Variants in PLA2R1 observed in about 807,000 individuals in gnomAD.
The protein encoded by PLA2R1 is secretory phospholipase A2 receptor.
A neutral mutation model predicts 195.9 loss-of-function variants in PLA2R1; 158 were observed. The ratio of observed to expected loss-of-function variants is 0.81; its 90% CI spans 0.71 to 0.92. PLA2R1 has a LOEUF of 0.92. Ranked by LOEUF, PLA2R1 falls within the 40% of genes least tolerant of loss-of-function variation. The pLI is 0.00. For synonymous variants in PLA2R1, 586 were observed against 598.2 expected (o/e 0.98, Z 0.30); for missense variants, 1,626 against 1,764.6 (o/e 0.92, Z 1.41).
At chr2:160,038,235 A>C (rs1694289941) in intron 3 of PLA2R1, among the ~76,000 whole-genome samples, 1 of 152,184 alleles carries the variant, frequency 6.6e-6, no homozygotes, top group Non-Finnish European at 1.5e-5. Flanking sequence ...TTATTTCAAG[A>C]CTCGCACAGG....
At position 159,936,407 on chromosome 2, in the gene PLA2R1, A is replaced by T. The variant is rs1183851942; in HGVS notation, c.*5371T>A. 6.6e-6 allele frequency: 1 copy of T among 152,228 alleles called. No individual in the cohort carries two copies. The highest frequency in any genetic ancestry group is 1.9e-4 in the East Asian group (1 of 5,202). The allele number at this position is 152,228 out of a possible 1,614,324, so 9.4% of individuals were successfully genotyped here. A position where few individuals can be genotyped will look rare whatever the true frequency, so the allele number is the denominator to read the frequency against. On this transcript the variant is annotated 3_prime_UTR_variant, in exon 30 of 30. Transcript: ENST00000283243. ...ATTAAGATAGTATATGTCAAACTAA[A>T]ATGATAGCAAATGGATCTGTTAATG... is the stretch of plus-strand genomic sequence containing the variant.
chr2:160,056,199 ACAG>A (rs1443738158), intron 1 of PLA2R1, among the ~76,000 whole-genome samples: 1 of 142,102 alleles, frequency 7.0e-6, no homozygotes, highest in African/African-American at 2.9e-5. Flanking sequence ...ACAGAATGGA[ACAG>A]GGGGAAATGT....
intron 11 of PLA2R1, among the ~76,000 whole-genome samples, chr2:159,993,577 C>T (rs566934631): frequency 2.0e-5 from 3 of 151,620 alleles, no homozygotes; most frequent in Admixed American, 2.0e-4. Context: ...ATATCATTTC[C>T]CATCAGAAGA....
chr2:159,954,245 G>A (rs1687943507), intron 23 of PLA2R1, among the ~76,000 whole-genome samples: 1 of 151,954 alleles, frequency 6.6e-6, no homozygotes, highest in Non-Finnish European at 1.5e-5. Flanking sequence ...TACACTCAAG[G>A]CACAGGGTCA....
Position 159,981,258 on chromosome 2 carries a change from T to C in PLA2R1, c.2184-1344A>G, listed in dbSNP as rs184896714. Among the ~76,000 whole-genome samples the C allele has an allele frequency of 6.0e-5, 9 of 151,220 alleles. No individual in the cohort carries two copies. In the East Asian group the frequency reaches 1.4e-3, roughly 23 times the overall value. ...GTGTGTGTGTGTCTGATTAATAAAA[T>C]AGAAATAGAAAAGCAGTGCCATAGG... On this transcript the variant is annotated intron_variant, in intron 13 of 29. Transcript: ENST00000283243.
At position 159,979,893 on chromosome 2, in the gene PLA2R1, C is replaced by T; in HGVS notation, c.2205G>A (p.Trp735Ter). 6.2e-7 allele frequency: 1 copy of T among 1,604,364 alleles called. No individual in the cohort carries two copies. The highest frequency in any genetic ancestry group is 1.7e-5 in the Admixed American group (1 of 59,914). ...GTGGGTTTCTTTTATTAAATCCAAT[C>T]CAGAACTGCCTTTCTTCTGTCCTGT... is the stretch of plus-strand genomic sequence containing the variant. ...KFNWTEERQF[W>*]IGFNKRNPLN... Residue 735 changes from tryptophan to a stop codon, truncating the protein, a stop_gained, in exon 14 of 30, where the codon TGG becomes TGA. Transcript: ENST00000283243. LOFTEE classifies it high-confidence loss of function.
At chr2:159,949,507 ACTT>A in intron 25 of PLA2R1, 98 bp downstream of exon 25, 1 of 754,070 alleles carries the variant, frequency 1.3e-6, no homozygotes. Context: ...TTGAAGAGAG[ACTT>A]CTTACTATAC....
At chr2:159,979,163 G>A (rs1478178177) in intron 14 of PLA2R1, among the ~76,000 whole-genome samples, 2 of 152,112 alleles carry the variant, frequency 1.3e-5, no homozygotes, top group Non-Finnish European at 2.9e-5. Context: ...GATTTTTCAT[G>A]TGCCGTAGGA....
chr2:159,994,385 C>G (rs1691062602), intron 11 of PLA2R1, among the ~76,000 whole-genome samples: 1 of 152,012 alleles, frequency 6.6e-6, no homozygotes, highest in Non-Finnish European at 1.5e-5. Context: ...TTTAGGAGAT[C>G]TATCAACCAA....
At chr2:159,971,930 G>T (rs1417388495) in intron 17 of PLA2R1, among the ~76,000 whole-genome samples, 1 of 152,148 alleles carries the variant, frequency 6.6e-6, no homozygotes, top group African/African-American at 2.4e-5. Context: ...CTGAGGTGTT[G>T]TTTCGTGGAC....
intron 20 of PLA2R1, 33 bp downstream of exon 20, chr2:159,967,506 G>C (rs773375997): frequency 5.1e-5 from 82 of 1,595,072 alleles, no homozygotes; most frequent in Non-Finnish European, 6.3e-5. Context: ...CTACAAAAGA[G>C]AAACAAAGGC....
At chr2:160,017,340 C>A (rs2667038) in intron 8 of PLA2R1, among the ~76,000 whole-genome samples, 107,968 of 151,996 alleles carry the variant, frequency 0.71, 38,824 homozygotes, top group East Asian at 0.87. Context: ...GTTAATGCTG[C>A]TGGTCTGGGG....
At chr2:159,945,842 G>A (rs1370773976) in intron 27 of PLA2R1, 1 of 949,250 alleles carries the variant, frequency 1.1e-6, no homozygotes, top group Non-Finnish European at 1.3e-6. Context: ...TTTAGGTACA[G>A]TGTTCTTATT....
At chr2:160,032,522 G>C (rs1693919653) in intron 4 of PLA2R1, among the ~76,000 whole-genome samples, 2 of 152,158 alleles carry the variant, frequency 1.3e-5, no homozygotes, top group Non-Finnish European at 2.9e-5. Context: ...TTAAGGTTTT[G>C]TTTTTGGGAC....
At chr2:159,989,415 A>G (rs1163176692) in intron 11 of PLA2R1, among the ~76,000 whole-genome samples, 1 of 152,168 alleles carries the variant, frequency 6.6e-6, no homozygotes, top group East Asian at 1.9e-4. Flanking sequence ...AGAGAAGGGA[A>G]CGCACACATC....
intron 17 of PLA2R1, among the ~76,000 whole-genome samples, chr2:159,971,474 GCACACA>G (rs899674108): frequency 2.4e-5 from 3 of 125,760 alleles, no homozygotes; most frequent in African/African-American, 7.4e-5. Context: ...GTGTGTGCGC[GCACACA>G]CACACACATA....
chr2:159,971,833 G>T (rs540365807), intron 17 of PLA2R1, among the ~76,000 whole-genome samples: 1 of 152,016 alleles, frequency 6.6e-6, no homozygotes, highest in East Asian at 1.9e-4. Context: ...TTATAAACAG[G>T]TATTTTTATT....
Position 159,955,736 on chromosome 2 carries a change from C to T in PLA2R1, c.3115G>A (p.Val1039Met). 3 of 1,580,358 alleles carry T rather than the reference C, an allele frequency of 1.9e-6. No homozygotes were observed. Among genetic ancestry groups the T allele is most frequent in the East Asian group, 2.3e-5 (1 of 44,282 alleles). ...DYETWLNGKP[V>M]VYSNWSPFDI... The stretch of plus-strand genomic sequence containing the variant: ...AATGGAGACCAGTTAGAATATACCA[C>T]AGGCTTTCCATTTAGCCATGTTTCA... Residue 1039 changes from valine to methionine, a missense_variant, in exon 22 of 30, where the codon GTG becomes ATG. Physicochemically the swap from Val to Met is conservative, Grantham distance 21 (BLOSUM62 1). Coordinates refer to ENST00000283243, the MANE Select transcript of PLA2R1 (RefSeq NM_007366.5).
chr2:159,926,738 A>G, the PLA2R1 span, among the ~76,000 whole-genome samples: 1 of 152,126 alleles, frequency 6.6e-6, no homozygotes, highest in Non-Finnish European at 1.5e-5. Flanking sequence ...TGAGAAGGTT[A>G]AGGGAAGTAA....
Sources: allele counts gnomAD v4.1 joint callset (sites outside exome capture counted in the v4.1 genomes callset), GRCh38; gene constraint gnomAD v4.1.1; transcripts MANE v1.5; gene names NCBI Gene and HGNC (gene_info 2026-07-23, HGNC 2026-07-21).